STXBP6: variants seen among roughly 807,000 people sequenced by gnomAD.
The protein encoded by STXBP6 is syntaxin binding protein 6.
A neutral mutation model predicts 26.9 loss-of-function variants in STXBP6; 21 were observed. The observed-to-expected ratio is 0.78, with a 90% CI of 0.55 to 1.12. STXBP6 has a LOEUF of 1.12. Among genes scored for constraint, STXBP6 ranks in the 50% most tolerant of loss-of-function variants. The pLI is 0.00. For missense variants in STXBP6, 232 were observed against 257.9 expected (o/e 0.90, Z 0.69); for synonymous variants, 97 against 92.6 (o/e 1.05, Z -0.27).
At chr14:24,914,841 A>G (rs990840848) in intron 2 of STXBP6, among the ~76,000 whole-genome samples, 1 of 152,196 alleles carries the variant, frequency 6.6e-6, no homozygotes, top group African/African-American at 2.4e-5. Context: ...TCACTCATAC[A>G]TTTCCAAAGG....
intron 2 of STXBP6, among the ~76,000 whole-genome samples, chr14:24,929,970 AG>A (rs1360756559): frequency 6.6e-6 from 1 of 152,256 alleles, no homozygotes; most frequent in Non-Finnish European, 1.5e-5. Flanking sequence ...TATGCAAAAA[AG>A]AATATGACTG....
chr14:24,994,182 A>C (rs1306063015), intron 1 of STXBP6, among the ~76,000 whole-genome samples: 1 of 152,152 alleles, frequency 6.6e-6, no homozygotes, highest in East Asian at 1.9e-4. Context: ...CTGAAGAAAG[A>C]GACTCTAAAA....
At chr14:24,991,747 CAAACTTTGGTG>C (rs2074480225) in intron 1 of STXBP6, among the ~76,000 whole-genome samples, 1 of 152,230 alleles carries the variant, frequency 6.6e-6, no homozygotes, top group Non-Finnish European at 1.5e-5. Flanking sequence ...GCCTAGAAGA[CAAACTTTGGTG>C]ACAGATAAGT....
chr14:25,046,833 G>A (rs2075735453), intron 1 of STXBP6, among the ~76,000 whole-genome samples: 1 of 152,172 alleles, frequency 6.6e-6, no homozygotes, highest in African/African-American at 2.4e-5. Flanking sequence ...TTACAAGCTA[G>A]GTTACACAGG....
At chr14:24,988,407 C>T (rs2074386407) in intron 1 of STXBP6, among the ~76,000 whole-genome samples, 1 of 152,172 alleles carries the variant, frequency 6.6e-6, no homozygotes, top group South Asian at 2.1e-4. Flanking sequence ...TAACCAACTA[C>T]ACAAAATTAA....
intron 4 of STXBP6, among the ~76,000 whole-genome samples, chr14:24,843,226 G>T (rs117846339): frequency 9.8e-4 from 150 of 152,300 alleles, no homozygotes; most frequent in Non-Finnish European, 1.8e-3. Flanking sequence ...GTATATAGTA[G>T]GGATTTAGTA....
At chr14:24,828,512 TTATC>T in intron 4 of STXBP6, among the ~76,000 whole-genome samples, 2 of 152,310 alleles carry the variant, frequency 1.3e-5, no homozygotes, top group African/African-American at 4.8e-5. Context: ...GTTTAAGTAT[TTATC>T]TACATACCAA....
chr14:24,961,479 T>C (rs1176349355), intron 2 of STXBP6, among the ~76,000 whole-genome samples: 2 of 151,810 alleles, frequency 1.3e-5, no homozygotes, highest in Non-Finnish European at 2.9e-5. Context: ...AAAAGAATAT[T>C]ATGCTGCTAT....
At chr14:24,975,572 T>A (rs2074023508) in intron 1 of STXBP6, among the ~76,000 whole-genome samples, 1 of 152,186 alleles carries the variant, frequency 6.6e-6, no homozygotes, top group African/African-American at 2.4e-5. Flanking sequence ...TAATGCTAAG[T>A]ATTTTGGAAA....
intron 2 of STXBP6, among the ~76,000 whole-genome samples, chr14:24,888,776 C>T (rs1231994241): frequency 1.3e-5 from 2 of 151,816 alleles, no homozygotes; most frequent in African/African-American, 4.8e-5. Context: ...ATTTAGATGC[C>T]CCAATCCCTT....
intron 2 of STXBP6, among the ~76,000 whole-genome samples, chr14:24,896,450 T>C (rs1278675346): frequency 6.6e-6 from 1 of 152,194 alleles, no homozygotes; most frequent in Non-Finnish European, 1.5e-5. Context: ...AATATGCAGT[T>C]ACCTGGGTCC....
intron 4 of STXBP6, among the ~76,000 whole-genome samples, chr14:24,844,339 G>T (rs2139052025): frequency 6.6e-6 from 1 of 152,324 alleles, no homozygotes; most frequent in African/African-American, 2.4e-5. Context: ...AGTTCTGTGA[G>T]CTGGTATAGC....
intron 2 of STXBP6, among the ~76,000 whole-genome samples, chr14:24,952,914 T>C (rs1302643108): frequency 6.6e-6 from 1 of 152,198 alleles, no homozygotes; most frequent in Non-Finnish European, 1.5e-5. Context: ...TATTTCTTCA[T>C]ATATTCATGA....
At chr14:24,886,092 C>T (rs1397738533) in intron 2 of STXBP6, among the ~76,000 whole-genome samples, 1 of 152,182 alleles carries the variant, frequency 6.6e-6, no homozygotes, top group African/African-American at 2.4e-5. Context: ...TTAGTATCTT[C>T]TTCAGGGCAG....
chr14:24,964,501 A>G (rs1409604186), intron 2 of STXBP6, among the ~76,000 whole-genome samples: 1 of 152,202 alleles, frequency 6.6e-6, no homozygotes, highest in African/African-American at 2.4e-5. Flanking sequence ...TCTCTTCTTC[A>G]TGGAAGCTGA....
At chr14:25,033,680 C>A (rs1427293721) in intron 1 of STXBP6, among the ~76,000 whole-genome samples, 1 of 152,180 alleles carries the variant, frequency 6.6e-6, no homozygotes, top group Non-Finnish European at 1.5e-5. Context: ...CCTTAGGAAA[C>A]TGCCCTAATT....
At chr14:24,968,309 C>T (rs1347143398) in intron 2 of STXBP6, among the ~76,000 whole-genome samples, 1 of 151,526 alleles carries the variant, frequency 6.6e-6, no homozygotes, top group Non-Finnish European at 1.5e-5. Flanking sequence ...GTCAACTTAC[C>T]ACTGCTGAAT....
At chr14:25,022,867 T>A (rs2075284568) in intron 1 of STXBP6, among the ~76,000 whole-genome samples, 2 of 152,174 alleles carry the variant, frequency 1.3e-5, no homozygotes, top group African/African-American at 2.4e-5. Context: ...TCATCTCCAA[T>A]TCAATTTGTC....
intron 4 of STXBP6, among the ~76,000 whole-genome samples, chr14:24,837,465 T>G (rs2068652816): frequency 6.6e-6 from 1 of 152,158 alleles, no homozygotes. Context: ...TGTGGACACA[T>G]TTGTGTATAT....
Sources: allele counts gnomAD v4.1 joint callset (sites outside exome capture counted in the v4.1 genomes callset), GRCh38; gene constraint gnomAD v4.1.1; transcripts MANE v1.5; gene names NCBI Gene and HGNC (gene_info 2026-07-23, HGNC 2026-07-21).